The following DLG4 variants were observed in gnomAD, a reference collection of about 807,000 sequenced individuals.
DLG4 encodes the protein disks large homolog 4.
In DLG4, 7 loss-of-function variants were observed where a neutral mutation model predicts 93.8. That is an observed-to-expected ratio of 0.07 (90% CI 0.04 to 0.14). DLG4 has a LOEUF of 0.14. DLG4 is among the 10% of genes least tolerant of loss of function. The pLI, the probability that DLG4 is intolerant of heterozygous loss-of-function variation, is 1.00. For synonymous variants in DLG4, 341 were observed against 387.6 expected (o/e 0.88, Z 1.41); for missense variants, 545 against 992.9 (o/e 0.55, Z 6.06).
chr17:7,199,044 C>A (rs959994259), intron 8 of DLG4, among the ~76,000 whole-genome samples: 5 of 151,692 alleles, frequency 3.3e-5, no homozygotes, highest in African/African-American at 1.2e-4. Context: ...AAAACAAAAA[C>A]AAAAAAACAG....
At chr17:7,217,672 T>C, upstream of DLG4, 1 of 1,145,836 alleles carries the variant, frequency 8.7e-7, no homozygotes, top group Non-Finnish European at 1.1e-6. Context: ...GGAGCCAGAA[T>C]GGGGGGGGTG....
At position 7,196,958 on chromosome 17, in the gene DLG4, G is replaced by A; in HGVS notation, c.882C>T (p.Tyr294=). The A allele has an allele frequency of 1.2e-6, 2 of 1,613,878 alleles. No homozygotes were observed. The highest frequency in any genetic ancestry group is 1.3e-5 in the African/African-American group (1 of 75,038). ...CGAGCAGGTCCTTGGCCACTGGAGA[G>A]TAGCGCCGAGGGGAAGTGGGGGTCA... ...TAMTPTSPRR[Y]SPVAKDLLGE... The change falls in exon 9 of 20, where the codon TAC becomes TAT. Residue 294 remains tyrosine, a synonymous_variant. Coordinates refer to ENST00000399506, the MANE Select transcript of DLG4 (RefSeq NM_001321075.3). This position sits in a 1 kb window ranked among gnomAD's most constrained non-coding sequence, Gnocchi z 8.3.
upstream of DLG4, chr17:7,219,765 T>G: frequency 2.7e-6 from 4 of 1,468,610 alleles, no homozygotes; most frequent in East Asian, 2.6e-5. Flanking sequence ...ATTAAGGAGT[T>G]TGGGGGAGAC....
rs1231122483 is a variant in DLG4 at position 7,187,497 on chromosome 17, GATCGCACC to G, written c.*3203_*3210del. 1.3e-5 allele frequency among the ~76,000 whole-genome samples: 2 copies of G among 151,686 alleles called. No homozygotes were observed. Among genetic ancestry groups the G allele is most frequent in the Non-Finnish European group, 2.9e-5 (2 of 67,948 alleles). On this transcript the variant is annotated 3_prime_UTR_variant, in exon 20 of 20. Coordinates refer to ENST00000399506, the MANE Select transcript of DLG4 (RefSeq NM_001321075.3). Reference sequence around the variant, plus strand: ...GAAGGCAGAGGTTGCAGTGAGCAGAGATCGCACCACTGCACTCCAGCCTGGGCAACAAG... The same window carrying G: ...GAAGGCAGAGGTTGCAGTGAGCAGAGACTGCACTCCAGCCTGGGCAACAAG...
chr17:7,192,562 G>A (rs1035532989), intron 17 of DLG4: 13 of 249,788 alleles, frequency 5.2e-5, no homozygotes, highest in Middle Eastern at 1.3e-3. Context: ...GAGGGGAGCC[G>A]GGCCCCAGAA....
rs1266840338 is a variant in DLG4 at position 7,217,164 on chromosome 17, G to A, written c.-17C>T. On this transcript the variant is annotated 5_prime_UTR_variant, in exon 1 of 20. Coordinates refer to ENST00000399506, the MANE Select transcript of DLG4 (RefSeq NM_001321075.3). ...ACAGTCCATGTTGGGGGGCCTGGCC[G>A]CGGCGGCGGGTAAGGGGCTCTGACT... The A allele has an allele frequency of 1.0e-5, 13 of 1,285,290 alleles. No homozygotes were observed. Among genetic ancestry groups the A allele is most frequent in the African/African-American group, 3.1e-5 (2 of 64,680 alleles). The allele number at this position is 1,285,290 out of a possible 1,614,324, so 79.6% of individuals were successfully genotyped here. A position where few individuals can be genotyped will look rare whatever the true frequency, so the allele number is the denominator to read the frequency against.
At chr17:7,197,149 G>C (rs2069835958) in intron 8 of DLG4, 97 bp from the exon 9 acceptor site, 2 of 1,232,414 alleles carry the variant, frequency 1.6e-6, no homozygotes, top group Non-Finnish European at 2.2e-6. Context: ...AAGTTAGGTG[G>C]AAGGGAAGAT....
At position 7,188,877 on chromosome 17, in the gene DLG4, C is replaced by T. The variant is rs1313504635; in HGVS notation, c.*1831G>A. On this transcript the variant is annotated 3_prime_UTR_variant, in exon 20 of 20. Transcript: ENST00000399506. ...CTGTAATCTTAACACTGTGGGAGGCCAAGCTGGGCGGATCACCTGAGGTCA... is the reference window on the plus strand; with the variant it reads ...CTGTAATCTTAACACTGTGGGAGGCTAAGCTGGGCGGATCACCTGAGGTCA... Among the ~76,000 whole-genome samples the T allele has an allele frequency of 3.3e-5, 5 of 152,134 alleles. No individual in the cohort carries two copies. The highest frequency in any genetic ancestry group is 4.8e-5 in the African/African-American group (2 of 41,510).
At position 7,204,082 on chromosome 17, in the gene DLG4, A is replaced by C; in HGVS notation, c.151-15T>G. The C allele has an allele frequency of 6.2e-7, 1 of 1,606,746 alleles. No individual in the cohort carries two copies. Among genetic ancestry groups the C allele is most frequent in the Non-Finnish European group, 8.5e-7 (1 of 1,176,618 alleles). ...ACCTGCAACTCCAGCACGGGACAGA[A>C]ACACAAAAGCAGTGAGACAGACATT... On this transcript the variant is annotated splice_polypyrimidine_tract_variant and intron_variant, in intron 3 of 19. Transcript: ENST00000399506.
chr17:7,208,099 G>A lies in DLG4; in HGVS notation c.96+75C>T. ...CCTTGAAGGGGGAGAGGTGGGCGTG[G>A]CCCACGACCCCGTGGCCAGCCTCGA... is the stretch of plus-strand genomic sequence containing the variant. On this transcript the variant is annotated intron_variant, in intron 2 of 19. Coordinates refer to ENST00000399506, the MANE Select transcript of DLG4 (RefSeq NM_001321075.3). This position sits in a 1 kb window ranked among gnomAD's most constrained non-coding sequence, Gnocchi z 5.4. The A allele has an allele frequency of 7.6e-7, 1 of 1,317,720 alleles. No homozygotes were observed. The highest frequency in any genetic ancestry group is 9.8e-7 in the Non-Finnish European group (1 of 1,024,124). 81.6% of individuals were successfully genotyped at this position (1,317,720 alleles called of 1,614,324 possible).
chr17:7,191,368 G>C lies in DLG4; in HGVS notation c.1977-10C>G, dbSNP rs1248144792. 3 of 1,613,316 alleles carry C rather than the reference G, an allele frequency of 1.9e-6. No homozygotes were observed. Among genetic ancestry groups the C allele is most frequent in the Admixed American group, 1.7e-5 (1 of 60,004 alleles). On this transcript the variant is annotated splice_polypyrimidine_tract_variant and intron_variant, in intron 18 of 19. Transcript: ENST00000399506. The surrounding 1 kb of genome is among the most constrained non-coding windows in gnomAD (Gnocchi z 6.6). ...CCGCTTGTTAATCTCTCTGTGAAGA[G>C]GGAGGGAGAGCAGGCCTGAGACTGG...
rs768354380 is a variant in DLG4, at chr17:7,194,757, T to C, written c.1302-262A>G. 3.3e-5 allele frequency among the ~76,000 whole-genome samples: 5 copies of C among 152,032 alleles called. No homozygotes were observed. The highest frequency in any genetic ancestry group is 4.8e-5 in the African/African-American group (2 of 41,382). ...TCAAGAAAGCAGTTTGGGCCAGGCGTGGTGGCTCCCACCTGGAATCCCAGC... is the reference window on the plus strand; with the variant it reads ...TCAAGAAAGCAGTTTGGGCCAGGCGCGGTGGCTCCCACCTGGAATCCCAGC... On this transcript the variant is annotated intron_variant, in intron 11 of 19. Coordinates refer to ENST00000399506, the MANE Select transcript of DLG4 (RefSeq NM_001321075.3). The surrounding 1 kb of genome is among the most constrained non-coding windows in gnomAD (Gnocchi z 4.4).
rs2069640161 is a variant in DLG4 at position 7,194,033 on chromosome 17, G to A, written c.1479-33C>T. 1.2e-6 allele frequency: 2 copies of A among 1,609,840 alleles called. No homozygotes were observed. The highest frequency in any genetic ancestry group is 1.7e-6 in the Non-Finnish European group (2 of 1,178,170). On this transcript the variant is annotated intron_variant, in intron 12 of 19. Transcript: ENST00000399506. The surrounding 1 kb of genome is among the most constrained non-coding windows in gnomAD (Gnocchi z 4.4). ...ATACATGGAGGGATACGCGGGTAGG[G>A]GAATGCCTACCCCCTGCCACCCCCA...
upstream of DLG4, chr17:7,218,343 T>G (rs2071030596): frequency 6.5e-7 from 1 of 1,539,932 alleles, no homozygotes; most frequent in South Asian, 1.2e-5. Context: ...ACATCACCCC[T>G]GTCATCACCG....
In DLG4 at chr17:7,193,416, A is replaced by C. The variant is rs534176193; in HGVS notation, c.1693+67T>G. The stretch of plus-strand genomic sequence containing the variant: ...CCCAGGAGGCTCTGCCTATGGCCCC[A>C]GGGATGGGCCTCCCCTGCCCCACCC... On this transcript the variant is annotated intron_variant, in intron 16 of 19. Transcript: ENST00000399506. This position sits in a 1 kb window ranked among gnomAD's most constrained non-coding sequence, Gnocchi z 6.7. 4 of 1,428,654 alleles carry C rather than the reference A, an allele frequency of 2.8e-6. No individual in the cohort carries two copies. In the East Asian group the frequency reaches 9.5e-5, roughly 34 times the overall value. 88.5% of individuals were successfully genotyped at this position (1,428,654 alleles called of 1,614,324 possible).
chr17:7,204,989 G>C, intron 2 of DLG4: 1 of 985,648 alleles, frequency 1.0e-6, no homozygotes. Flanking sequence ...GGTGGGGCGT[G>C]GCCTGGGGCC....
At position 7,200,839 on chromosome 17, in the gene DLG4, G is replaced by A. The variant is rs960383715; in HGVS notation, c.787+2064C>T. Among the ~76,000 whole-genome samples the A allele has an allele frequency of 4.3e-5, 6 of 139,526 alleles. No individual in the cohort carries two copies. The East Asian group carries it at 6.6e-4, about 15-fold the overall frequency. 91.5% of individuals were successfully genotyped at this position (139,526 alleles called of 152,430 possible). A position where few individuals can be genotyped will look rare whatever the true frequency, so the allele number is the denominator to read the frequency against. On this transcript the variant is annotated intron_variant, in intron 8 of 19. Coordinates refer to ENST00000399506, the MANE Select transcript of DLG4 (RefSeq NM_001321075.3). ...GGGATTACAGGCATGAGCCACCGGC[G>A]CGCCCAGCCTGTTTTGGTTTTTTTT... is the stretch of plus-strand genomic sequence containing the variant.
chr17:7,202,713 G>A, intron 8 of DLG4, 190 bp downstream of exon 8: 1 of 748,756 alleles, frequency 1.3e-6, no homozygotes, highest in Non-Finnish European at 2.1e-6. Flanking sequence ...AGAGATCGTT[G>A]ACGATCTTTT....
chr17:7,218,836 G>C (rs760296345), upstream of DLG4: 1 of 1,613,656 alleles, frequency 6.2e-7, no homozygotes, highest in African/African-American at 1.3e-5. Context: ...TTCACCTCTT[G>C]GTCTCTGGGA....
Sources: allele counts gnomAD v4.1 joint callset (sites outside exome capture counted in the v4.1 genomes callset), GRCh38; gene constraint gnomAD v4.1.1; non-coding constraint Gnocchi (gnomAD v3.1); transcripts MANE v1.5; gene names NCBI Gene and HGNC (gene_info 2026-07-23, HGNC 2026-07-21).